LRRC4C: variants seen among roughly 807,000 people sequenced by gnomAD.
The protein encoded by LRRC4C is leucine-rich repeat-containing protein 4C.
LRRC4C carries 5 observed loss-of-function variants against 33.6 expected under a neutral mutation model. The observed-to-expected ratio is 0.15, with a 90% confidence interval of 0.08 to 0.31. LRRC4C has a LOEUF of 0.31. Among genes scored for constraint, LRRC4C ranks in the 10% least tolerant of loss-of-function variants. The pLI, the probability that LRRC4C is intolerant of heterozygous loss-of-function variation, is 1.00. For missense variants in LRRC4C, 560 were observed against 796.7 expected (o/e 0.70, Z 3.58); for synonymous variants, 329 against 302.0 (o/e 1.09, Z -0.93).
chr11:40,578,842 T>A (rs1958334013), intron 3 of LRRC4C, among the ~76,000 whole-genome samples: 1 of 152,152 alleles, frequency 6.6e-6, no homozygotes, highest in Non-Finnish European at 1.5e-5. Flanking sequence ...TTGTGTCTGT[T>A]TATTTATTTT....
intron 5 of LRRC4C, among the ~76,000 whole-genome samples, chr11:40,178,269 A>T (rs1860684145): frequency 6.6e-6 from 1 of 152,198 alleles, no homozygotes; most frequent in African/African-American, 2.4e-5. Context: ...TAGATAGGTC[A>T]TGGCAATTCT....
At chr11:41,078,741 C>G (rs903617437) in intron 1 of LRRC4C, among the ~76,000 whole-genome samples, 2 of 152,130 alleles carry the variant, frequency 1.3e-5, no homozygotes, top group African/African-American at 4.8e-5. Context: ...GATACAGAGC[C>G]AAACCATATC....
chr11:40,304,283 C>T (rs1369916009), intron 4 of LRRC4C, among the ~76,000 whole-genome samples: 1 of 151,972 alleles, frequency 6.6e-6, no homozygotes, highest in Non-Finnish European at 1.5e-5. Context: ...CCTCTAAGTG[C>T]CTGTACAGTT....
intron 1 of LRRC4C, among the ~76,000 whole-genome samples, chr11:41,397,456 GCTTA>G (rs1953863308): frequency 6.6e-6 from 1 of 151,484 alleles, no homozygotes; most frequent in South Asian, 2.1e-4. Context: ...TATTTTTCCA[GCTTA>G]CTTTATTATA....
At chr11:41,426,054 T>G (rs1443327445) in intron 1 of LRRC4C, among the ~76,000 whole-genome samples, 1 of 152,160 alleles carries the variant, frequency 6.6e-6, no homozygotes, top group Non-Finnish European at 1.5e-5. Context: ...ACTTCACAGT[T>G]TGTGAAACTG....
At chr11:40,141,742 C>A (rs559116143) in intron 5 of LRRC4C, among the ~76,000 whole-genome samples, 1 of 152,236 alleles carries the variant, frequency 6.6e-6, no homozygotes, top group East Asian at 1.9e-4. Flanking sequence ...GAGTGAAGCA[C>A]AGGGCTATGG....
At chr11:41,111,942 T>G (rs1270825601) in intron 1 of LRRC4C, among the ~76,000 whole-genome samples, 1 of 151,926 alleles carries the variant, frequency 6.6e-6, no homozygotes, top group Non-Finnish European at 1.5e-5. Context: ...TTTTTTTTCA[T>G]AGAAAGGTCT....
chr11:40,670,487 G>A (rs2136269247), intron 2 of LRRC4C, among the ~76,000 whole-genome samples: 1 of 152,274 alleles, frequency 6.6e-6, no homozygotes, highest in East Asian at 1.9e-4. Flanking sequence ...CTACATTGAT[G>A]GTACTTGTGC....
intron 3 of LRRC4C, among the ~76,000 whole-genome samples, chr11:40,408,980 A>G (rs1023749300): frequency 3.3e-5 from 5 of 151,996 alleles, no homozygotes; most frequent in African/African-American, 1.2e-4. Context: ...GTGAAGCTGA[A>G]AGCATCCCAC....
intron 2 of LRRC4C, among the ~76,000 whole-genome samples, chr11:40,747,594 G>T (rs1487307705): frequency 6.6e-6 from 1 of 151,630 alleles, no homozygotes; most frequent in Non-Finnish European, 1.5e-5. Context: ...CTAGAAAAAA[G>T]AATTCAAATT....
chr11:41,344,648 T>C (rs552718589), intron 1 of LRRC4C, among the ~76,000 whole-genome samples: 1 of 152,360 alleles, frequency 6.6e-6, no homozygotes, highest in East Asian at 1.9e-4. Context: ...ATGCAAGGGA[T>C]AGCCCATAGC....
intron 3 of LRRC4C, among the ~76,000 whole-genome samples, chr11:40,417,427 G>C (rs1359547406): frequency 6.6e-6 from 1 of 152,024 alleles, no homozygotes; most frequent in African/African-American, 2.4e-5. Context: ...TCCCTCCTGG[G>C]TATAAGTGAT....
At chr11:41,089,692 T>C (rs1163627541) in intron 1 of LRRC4C, among the ~76,000 whole-genome samples, 1 of 152,104 alleles carries the variant, frequency 6.6e-6, no homozygotes, top group Non-Finnish European at 1.5e-5. Context: ...CCCAGATGTA[T>C]ATCTGACATA....
intron 2 of LRRC4C, among the ~76,000 whole-genome samples, chr11:40,674,193 C>A (rs1565623623): frequency 6.6e-6 from 1 of 152,170 alleles, no homozygotes; most frequent in Non-Finnish European, 1.5e-5. Flanking sequence ...TAGGATTCGA[C>A]TTTCATCGTT....
chr11:40,313,580 C>A (rs1945420280), intron 4 of LRRC4C, among the ~76,000 whole-genome samples: 1 of 135,728 alleles, frequency 7.4e-6, no homozygotes, highest in African/African-American at 2.7e-5. Context: ...TAAAAGAAAA[C>A]ATGCTAGGAG....
chr11:40,371,815 G>A (rs192392257), intron 3 of LRRC4C, among the ~76,000 whole-genome samples: 2 of 152,264 alleles, frequency 1.3e-5, no homozygotes, highest in Admixed American at 1.3e-4. Context: ...AAGATGCATT[G>A]TAGATTGAGG....
At chr11:41,345,685 G>T (rs904759188) in intron 1 of LRRC4C, among the ~76,000 whole-genome samples, 3 of 152,082 alleles carry the variant, frequency 2.0e-5, no homozygotes, top group Non-Finnish European at 4.4e-5. Context: ...TTCTAAAGTA[G>T]GTATCATGAC....
At chr11:40,924,577 A>G (rs899730702) in intron 2 of LRRC4C, among the ~76,000 whole-genome samples, 1 of 152,146 alleles carries the variant, frequency 6.6e-6, no homozygotes, top group African/African-American at 2.4e-5. Flanking sequence ...CTGGTATTTG[A>G]TAGCACAGTA....
At chr11:40,912,589 A>T (rs1956750627) in intron 2 of LRRC4C, among the ~76,000 whole-genome samples, 1 of 147,748 alleles carries the variant, frequency 6.8e-6, no homozygotes, top group African/African-American at 2.5e-5. Context: ...CCACTGCAAA[A>T]CCATGCCAAA....
Sources: gnomAD v4.1 joint callset for allele counts (sites outside exome capture counted in the v4.1 genomes callset) on GRCh38, gnomAD v4.1.1 for gene constraint, MANE v1.5 for transcripts, NCBI Gene and HGNC (gene_info 2026-07-23, HGNC 2026-07-21) for gene names.